RAI1: variants seen among roughly 807,000 people sequenced by gnomAD.
The protein encoded by RAI1 is retinoic acid induced 1, also known as retinoic acid-induced protein 1.
RAI1 carries 9 observed loss-of-function variants against 123.8 expected under a neutral mutation model. The observed-to-expected ratio is 0.07, with a 90% CI of 0.04 to 0.13. The LOEUF (loss-of-function observed/expected upper bound fraction) is 0.13, where lower values mean the gene tolerates loss of function less well. RAI1 is among the 10% of genes least tolerant of loss of function. The pLI is 1.00. For missense variants in RAI1, 2,256 were observed against 2,545.8 expected, an observed-to-expected ratio of 0.89 and a Z score of 2.45; for synonymous variants, 1,231 against 1,127.3, an observed-to-expected ratio of 1.09 and a Z score of -1.84.
Position 17,794,341 on chromosome 17 carries a change from G to A in RAI1, c.1393G>A (p.Val465Ile). The A allele has an allele frequency of 6.2e-7, 1 of 1,613,124 alleles. No homozygotes were observed. Among genetic ancestry groups the A allele is most frequent in the African/African-American group, 1.3e-5 (1 of 75,032 alleles). Residue 465 changes from valine (V) to isoleucine (I), a missense_variant, in exon 3 of 6, where the codon GTC becomes ATC. Physicochemically the swap from Val to Ile is conservative, Grantham distance 29. Coordinates refer to ENST00000353383, the MANE Select transcript of RAI1 (RefSeq NM_030665.4). ...GGCTGCTGTGCCGCAGAAGAAAGGT[G>A]TCAAGAACCTCGTGTCCAGGACCCC... ...SKAAVPQKKGVKNLVSRTPEQ... is the reference protein window; with the variant it reads ...SKAAVPQKKGIKNLVSRTPEQ...
intron 1 of RAI1, among the ~76,000 whole-genome samples, chr17:17,690,467 C>A (rs114872667): frequency 6.6e-6 from 1 of 152,040 alleles, no homozygotes; most frequent in African/African-American, 2.4e-5. Context: ...CCTCACCAGC[C>A]GGAGGCAGCA....
Position 17,785,594 on chromosome 17 carries a change from G to C in RAI1, c.-16-7339G>C, listed in dbSNP as rs1384267365. Among the ~76,000 whole-genome samples, 13 of 152,144 alleles carry C rather than the reference G, an allele frequency of 8.5e-5. 1 individual carries two copies. The highest frequency in any genetic ancestry group is 7.2e-4 in the Admixed American group (11 of 15,278). On this transcript the variant is annotated intron_variant, in intron 2 of 5. Transcript: ENST00000353383. The stretch of plus-strand genomic sequence containing the variant: ...GGAGAGTTGGGGTGGCGCCTCGCCC[G>C]GTGTCTGGTGTGGAATGCCACAGAG...
chr17:17,809,376 C>T lies in RAI1; in HGVS notation c.5660-14C>T. 6.2e-7 allele frequency: 1 copy of T among 1,603,344 alleles called. No individual in the cohort carries two copies. The highest frequency in any genetic ancestry group is 8.5e-7 in the Non-Finnish European group (1 of 1,170,302). ...CACCCTGTCCTAACCACCGAAACTT[C>T]TCTTTGGTCACAGGTTGCATATTCA... On this transcript the variant is annotated splice_polypyrimidine_tract_variant and intron_variant, in intron 4 of 5. Transcript: ENST00000353383. The surrounding 1 kb of genome is among the most constrained non-coding windows in gnomAD (Gnocchi z 4.9).
chr17:17,794,112 C>G lies in RAI1; in HGVS notation c.1164C>G (p.Asp388Glu), dbSNP rs2032137195. Residue 388 changes from aspartate (D) to glutamate (E), a missense_variant, in exon 3 of 6, where the codon GAC (aspartate) becomes GAG (glutamate). This residue lies in a region of RAI1 where 357 missense variants were observed against 480.2 expected (regional missense o/e 0.74). Transcript: ENST00000353383. ...GGGCCTTCCCCGCAGGGATCACTGACCACAGCCACTTCATGCCCCTGCTCA... is the reference window on the plus strand; with the variant it reads ...GGGCCTTCCCCGCAGGGATCACTGAGCACAGCCACTTCATGCCCCTGCTCA... ...STGAFPAGIT[D>E]HSHFMPLLNP... The G allele has an allele frequency of 2.5e-6, 4 of 1,614,110 alleles. No individual in the cohort carries two copies. The highest frequency in any genetic ancestry group is 3.4e-6 in the Non-Finnish European group (4 of 1,180,050).
At chr17:17,755,958 A>G (rs1409617670) in intron 2 of RAI1, among the ~76,000 whole-genome samples, 1 of 152,300 alleles carries the variant, frequency 6.6e-6, no homozygotes, top group Non-Finnish European at 1.5e-5. Flanking sequence ...GCAGCTCACC[A>G]GGGACCAGTG....
At position 17,796,291 on chromosome 17, in the gene RAI1, C is replaced by G; in HGVS notation, c.3343C>G (p.Leu1115Val). 1 of 1,603,260 alleles carries G rather than the reference C, an allele frequency of 6.2e-7. No individual in the cohort carries two copies. The highest frequency in any genetic ancestry group is 8.5e-7 in the Non-Finnish European group (1 of 1,173,124). ...AASSPSNPAA[L>V]PVASDSSPMG... The stretch of plus-strand genomic sequence containing the variant: ...CTCCAGCCCCAGCAACCCGGCCGCC[C>G]TGCCTGTGGCCTCCGACAGCAGCCC... Residue 1115 changes from leucine to valine, a missense_variant, in exon 3 of 6, where the codon CTG becomes GTG. Leu to Val is a conservative substitution (Grantham distance 32). Around this residue, in one of 7 missense-constraint regions of RAI1, gnomAD observed 22 missense variants for 50.7 expected, o/e 0.43. Transcript: ENST00000353383. This position sits in a 1 kb window ranked among gnomAD's most constrained non-coding sequence, Gnocchi z 5.8.
At chr17:17,708,401 T>TATATATATATACACACACACACACAC (rs1915457848) in intron 1 of RAI1, among the ~76,000 whole-genome samples, 1 of 137,680 alleles carries the variant, frequency 7.3e-6, no homozygotes, top group Non-Finnish European at 1.6e-5. Context: ...TCTCTTCTCA[T>TATATATATATACACACACACACACAC]ATATATATAT....
At chr17:17,739,012 A>C (rs906758631) in intron 2 of RAI1, among the ~76,000 whole-genome samples, 18 of 152,178 alleles carry the variant, frequency 1.2e-4, no homozygotes, top group African/African-American at 4.3e-4. Flanking sequence ...GCAACCAGGA[A>C]ATTTCTGTCA....
chr17:17,772,468 C>T (rs1179220827), intron 2 of RAI1, among the ~76,000 whole-genome samples: 3 of 152,242 alleles, frequency 2.0e-5, no homozygotes, highest in East Asian at 1.9e-4. Context: ...CACTGTTGCT[C>T]ACTCTCTGGG....
In RAI1 at chr17:17,681,492, C is replaced by G. The variant is rs1914410371; in HGVS notation, c.-450C>G. The G allele has an allele frequency of 5.9e-6, 1 of 170,256 alleles. No individual in the cohort carries two copies. The highest frequency in any genetic ancestry group is 2.4e-5 in the African/African-American group (1 of 41,556). The allele number at this position is 170,256 out of a possible 1,614,324, so 10.5% of individuals were successfully genotyped here. ...GCGGCACCCGCGGACACCAGGCAGG[C>G]CCGGCCGGGTGCGCGGCCAAGGCCC... On this transcript the variant is annotated 5_prime_UTR_variant, in exon 1 of 6. Transcript: ENST00000353383.
At chr17:17,749,742 TA>T (rs1458923420) in intron 2 of RAI1, among the ~76,000 whole-genome samples, 1 of 152,212 alleles carries the variant, frequency 6.6e-6, no homozygotes, top group Non-Finnish European at 1.5e-5. Context: ...GTTTATTTAC[TA>T]AGGTTGGTCC....
intron 2 of RAI1, among the ~76,000 whole-genome samples, chr17:17,758,519 C>T (rs903560647): frequency 1.3e-5 from 2 of 152,176 alleles, no homozygotes; most frequent in Non-Finnish European, 2.9e-5. Context: ...GAAAAGGCTT[C>T]GTAAACTGGA....
intron 1 of RAI1, among the ~76,000 whole-genome samples, chr17:17,692,756 C>T (rs960034548): frequency 1.6e-4 from 24 of 152,190 alleles, no homozygotes; most frequent in African/African-American, 5.8e-4. Context: ...CCTCTTTCCT[C>T]ATCTATCAAG....
At position 17,768,696 on chromosome 17, in the gene RAI1, A is replaced by G. The variant is rs1303228113; in HGVS notation, c.-16-24237A>G. Among the ~76,000 whole-genome samples the G allele has an allele frequency of 2.6e-5, 4 of 152,200 alleles. No homozygotes were observed. In the East Asian group the frequency reaches 7.7e-4, roughly 29 times the overall value. The stretch of plus-strand genomic sequence containing the variant: ...GCCCTGCTGACCTGCAGCCAGACAC[A>G]CTGGGGAGACACAAGACGACTCAGG... On this transcript the variant is annotated intron_variant, in intron 2 of 5. Transcript: ENST00000353383.
At chr17:17,803,703 T>G in intron 3 of RAI1, 53 bp from the exon 4 acceptor site, 1 of 1,547,706 alleles carries the variant, frequency 6.5e-7, no homozygotes. Context: ...CTGTAAAGCT[T>G]GAGGGCTGGG....
intron 1 of RAI1, among the ~76,000 whole-genome samples, chr17:17,698,316 G>A (rs1050223971): frequency 6.6e-6 from 1 of 152,200 alleles, no homozygotes; most frequent in African/African-American, 2.4e-5. Context: ...CCACTCAAGA[G>A]TTGAGTCCCA....
rs114118087 is a variant in RAI1, at chr17:17,797,928, G to C, written c.4980G>C (p.Pro1660=). 6.2e-7 allele frequency: 1 copy of C among 1,613,828 alleles called. No homozygotes were observed. The highest frequency in any genetic ancestry group is 8.5e-7 in the Non-Finnish European group (1 of 1,180,024). Residue 1660 remains proline (P), a synonymous_variant, in exon 3 of 6, where the codon CCG becomes CCC. Transcript: ENST00000353383. ...TCCCTGGAGGCTCCATCCTGCAGCC[G>C]CGGCCCTCCTTGCCCCTCTCCTCCA... The part of the protein sequence containing the change: ...ATLPGGSILQ[P]RPSLPLSSTM...
chr17:17,687,628 A>C (rs994492117), intron 1 of RAI1, among the ~76,000 whole-genome samples: 1 of 152,200 alleles, frequency 6.6e-6, no homozygotes, highest in Non-Finnish European at 1.5e-5. Flanking sequence ...ATTCGGAATC[A>C]GGAAAAGTGG....
chr17:17,771,579 A>G (rs2031159738), intron 2 of RAI1, among the ~76,000 whole-genome samples: 1 of 152,212 alleles, frequency 6.6e-6, no homozygotes, highest in Non-Finnish European at 1.5e-5. Flanking sequence ...AGATGGAGCT[A>G]TGGCAGAGAT....
Sources: gnomAD v4.1 joint callset for allele counts (sites outside exome capture counted in the v4.1 genomes callset) on GRCh38, gnomAD v4.1.1 for gene constraint, gnomAD v4.1.1 regional missense constraint, Gnocchi (gnomAD v3.1) non-coding constraint, MANE v1.5 for transcripts, NCBI Gene and HGNC (gene_info 2026-07-23, HGNC 2026-07-21) for gene names.